PATJ: variants seen among roughly 807,000 people sequenced by gnomAD.
The protein encoded by PATJ is inaD-like protein.
Under a neutral mutation model 224.9 loss-of-function variants are expected in PATJ, and 190 were observed. The observed-to-expected ratio is 0.84, with a 90% CI of 0.75 to 0.95. The LOEUF (loss-of-function observed/expected upper bound fraction) is 0.95. PATJ is among the 40% of genes least tolerant of loss of function. PATJ has a pLI of 0.00. For synonymous variants in PATJ, 769 were observed against 820.3 expected (o/e 0.94, Z 1.07); for missense variants, 2,121 against 2,270.3 (o/e 0.93, Z 1.34).
At chr1:61,948,443 GC>G (rs1377328577) in intron 27 of PATJ, among the ~76,000 whole-genome samples, 1 of 152,188 alleles carries the variant, frequency 6.6e-6, no homozygotes, top group Non-Finnish European at 1.5e-5. Flanking sequence ...CATTTATGCA[GC>G]CAACAGACAC....
rs565531011 is a variant in PATJ at position 61,788,755 on chromosome 1, A to G, written c.1068+783A>G. On this transcript the variant is annotated intron_variant, in intron 8 of 43. Coordinates refer to ENST00000642238, the MANE Select transcript of PATJ (RefSeq NM_001350145.3). ...AGTGGCACTATCTTGGCTCACTGCA[A>G]CCTCTGCCTCCCAGATTCAAGCAAT... Among the ~76,000 whole-genome samples, 5 of 152,200 alleles carry G rather than the reference A, an allele frequency of 3.3e-5. No homozygotes were observed. In the East Asian group the frequency reaches 9.7e-4, roughly 30 times the overall value.
At chr1:61,809,003 A>G (rs759577020) in intron 14 of PATJ, among the ~76,000 whole-genome samples, 169 of 152,354 alleles carry the variant, frequency 1.1e-3, no homozygotes, top group Non-Finnish European at 1.9e-3. Flanking sequence ...CCGGGAATAC[A>G]GGCTTTAAAA....
intron 8 of PATJ, among the ~76,000 whole-genome samples, chr1:61,790,476 T>C (rs547678206): frequency 1.3e-5 from 2 of 151,504 alleles, no homozygotes; most frequent in South Asian, 4.2e-4. Flanking sequence ...GGCTGGGCTC[T>C]CTGCTTAGCT....
intron 1 of PATJ, among the ~76,000 whole-genome samples, chr1:61,751,065 G>C (rs1474505220): frequency 1.3e-5 from 2 of 149,646 alleles, no homozygotes; most frequent in Non-Finnish European, 3.0e-5. Context: ...GCAGTGGTGC[G>C]ATCTCCACTC....
rs112252118 is a variant in PATJ, at chr1:61,797,536, G to A, written c.1402+108G>A. On this transcript the variant is annotated intron_variant, in intron 11 of 43. Coordinates refer to ENST00000642238, the MANE Select transcript of PATJ (RefSeq NM_001350145.3). Reference sequence around the variant, plus strand: ...TCAGCAGGAAATGTTGTCCCACCTCGTGTAATACACTGATGGAGAAATGAG... The same window carrying A: ...TCAGCAGGAAATGTTGTCCCACCTCATGTAATACACTGATGGAGAAATGAG... 1.8e-4 allele frequency: 163 copies of A among 892,666 alleles called. No homozygotes were observed. In the African/African-American group the frequency reaches 2.2e-3, roughly 12 times the overall value. The allele number at this position is 892,666 out of a possible 1,614,324, so 55.3% of individuals were successfully genotyped here. A position where few individuals can be genotyped will look rare whatever the true frequency, so the allele number is the denominator to read the frequency against.
intron 9 of PATJ, among the ~76,000 whole-genome samples, chr1:61,791,650 C>G (rs919886612): frequency 6.6e-6 from 1 of 152,088 alleles, no homozygotes; most frequent in Non-Finnish European, 1.5e-5. Context: ...TATCCATTAA[C>G]AAAAGAATAT....
At chr1:62,039,644 AG>A (rs1651091499) in intron 30 of PATJ, among the ~76,000 whole-genome samples, 1 of 152,216 alleles carries the variant, frequency 6.6e-6, no homozygotes, top group Non-Finnish European at 1.5e-5. Context: ...GCCGAAACAC[AG>A]GTTATCAAGA....
intron 21 of PATJ, among the ~76,000 whole-genome samples, chr1:61,877,531 T>C (rs992940174): frequency 6.6e-6 from 1 of 151,984 alleles, no homozygotes; most frequent in African/African-American, 2.4e-5. Context: ...CTCCATCTGT[T>C]CTCATGATAG....
intron 14 of PATJ, among the ~76,000 whole-genome samples, chr1:61,820,446 G>A (rs866128378): frequency 1.3e-5 from 2 of 151,704 alleles, no homozygotes; most frequent in African/African-American, 2.4e-5. Flanking sequence ...GGGCTCAAGC[G>A]ATTCTCCTGC....
intron 28 of PATJ, among the ~76,000 whole-genome samples, chr1:62,000,738 G>C (rs1466343030): frequency 1.3e-5 from 2 of 150,854 alleles, no homozygotes; most frequent in Admixed American, 1.3e-4. Flanking sequence ...GGGTCAAATG[G>C]TATTTCTAGT....
intron 27 of PATJ, among the ~76,000 whole-genome samples, chr1:61,988,939 G>C (rs1056341784): frequency 6.6e-6 from 1 of 152,222 alleles, no homozygotes; most frequent in Non-Finnish European, 1.5e-5. Flanking sequence ...AGGGTTCCAA[G>C]AGGGTCACAA....
intron 41 of PATJ, among the ~76,000 whole-genome samples, chr1:62,147,393 T>G (rs1229842606): frequency 6.6e-6 from 1 of 152,150 alleles, no homozygotes; most frequent in African/African-American, 2.4e-5. Context: ...CAGGAGCACA[T>G]GCCTATCTAT....
At position 62,106,158 on chromosome 1, in the gene PATJ, G is replaced by GTGTATATATATATATATATATATATATA. The variant is rs1356937495; in HGVS notation, c.4378-2278_4378-2277insGTATATATATATATATATATATATATAT. Among the ~76,000 whole-genome samples, 22 of 48,058 alleles carry GTGTATATATATATATATATATATATATA rather than the reference G, an allele frequency of 4.6e-4. 1 individual carries two copies. Among genetic ancestry groups the GTGTATATATATATATATATATATATATA allele is most frequent in the Non-Finnish European group, 7.0e-4 (16 of 22,812 alleles). 31.5% of individuals were successfully genotyped at this position (48,058 alleles called of 152,430 possible). ...TACATGTGTATATGTGTGTGTGTGT[G>GTGTATATATATATATATATATATATATA]TATATATATATATATATATATATAT... On this transcript the variant is annotated intron_variant, in intron 33 of 43. Transcript: ENST00000642238.
intron 28 of PATJ, among the ~76,000 whole-genome samples, chr1:61,994,557 T>TA (rs1645246648): frequency 7.0e-6 from 1 of 142,148 alleles, no homozygotes; most frequent in Admixed American, 7.1e-5. Context: ...TACAGGATTC[T>TA]TTTTTTTTTT....
At chr1:61,971,419 G>A (rs1235775540) in intron 27 of PATJ, among the ~76,000 whole-genome samples, 1 of 152,138 alleles carries the variant, frequency 6.6e-6, no homozygotes, top group Non-Finnish European at 1.5e-5. Flanking sequence ...GGAGGCCAAG[G>A]CAGAAGGATC....
At chr1:62,090,561 A>G (rs1319545518) in intron 33 of PATJ, among the ~76,000 whole-genome samples, 1 of 152,176 alleles carries the variant, frequency 6.6e-6, no homozygotes, top group Non-Finnish European at 1.5e-5. Flanking sequence ...AATATAAGCT[A>G]TTGTTATGTT....
At chr1:61,873,184 A>G (rs1666875306) in intron 20 of PATJ, among the ~76,000 whole-genome samples, 1 of 152,022 alleles carries the variant, frequency 6.6e-6, no homozygotes, top group Non-Finnish European at 1.5e-5. Context: ...TTATTTATTT[A>G]TTTATAAAGA....
chr1:61,770,973 G>A lies in PATJ; in HGVS notation c.525-458G>A, dbSNP rs971881386. ...GTAATCTCTATGAATTTTCAAGGAG[G>A]GTTTGGCCTCTATTGATAAATATTG... On this transcript the variant is annotated intron_variant, in intron 5 of 43. Coordinates refer to ENST00000642238, the MANE Select transcript of PATJ (RefSeq NM_001350145.3). 6.6e-5 allele frequency among the ~76,000 whole-genome samples: 10 copies of A among 152,018 alleles called. No individual in the cohort carries two copies. In the South Asian group the frequency reaches 8.3e-4, roughly 13 times the overall value.
chr1:61,835,916 CTAT>C lies in PATJ; in HGVS notation c.2112+2136_2112+2138del, dbSNP rs1212755779. On this transcript the variant is annotated intron_variant, in intron 17 of 43. Transcript: ENST00000642238. ...TAGATATTCAGGTACATTTGCATTT[CTAT>C]TATTGTAGGAATCTATATATATTTG... 1.3e-4 allele frequency among the ~76,000 whole-genome samples: 20 copies of C among 152,272 alleles called. No homozygotes were observed. In the East Asian group the frequency reaches 3.5e-3, roughly 26 times the overall value.
Sources: allele counts gnomAD v4.1 joint callset (sites outside exome capture counted in the v4.1 genomes callset), GRCh38; gene constraint gnomAD v4.1.1; transcripts MANE v1.5; gene names NCBI Gene and HGNC (gene_info 2026-07-23, HGNC 2026-07-21).